SLC9A9: variants seen among roughly 807,000 people sequenced by gnomAD.
The protein encoded by SLC9A9 is sodium/hydrogen exchanger 9.
Under a neutral mutation model 77.8 loss-of-function variants are expected in SLC9A9, and 62 were observed. The observed-to-expected ratio is 0.80, with a 90% CI of 0.65 to 0.98. The LOEUF (loss-of-function observed/expected upper bound fraction) is 0.98. Ranked by LOEUF, SLC9A9 falls within the 50% of genes least tolerant of loss-of-function variation. The pLI, the probability that SLC9A9 is intolerant of heterozygous loss-of-function variation, is 0.00. For missense variants in SLC9A9, 775 were observed against 774.9 expected (o/e 1.00, Z 0.00); for synonymous variants, 320 against 283.5 (o/e 1.13, Z -1.29).
chr3:143,703,100 A>T (rs1933851774), intron 4 of SLC9A9, among the ~76,000 whole-genome samples: 2 of 152,114 alleles, frequency 1.3e-5, no homozygotes, highest in Admixed American at 1.3e-4. Flanking sequence ...AAAGAGTGAG[A>T]TAGACCCCAA....
intron 12 of SLC9A9, among the ~76,000 whole-genome samples, chr3:143,454,537 C>A (rs572538024): frequency 6.6e-6 from 1 of 152,044 alleles, no homozygotes; most frequent in Non-Finnish European, 1.5e-5. Flanking sequence ...TTTTGGCCTA[C>A]GGATATTGTA....
intron 12 of SLC9A9, among the ~76,000 whole-genome samples, chr3:143,431,561 C>T (rs1179375233): frequency 6.6e-6 from 1 of 150,866 alleles, no homozygotes; most frequent in Non-Finnish European, 1.5e-5. Context: ...TGGCTCCCTG[C>T]AAGCTCCGCC....
intron 5 of SLC9A9, among the ~76,000 whole-genome samples, chr3:143,686,304 AT>A (rs1306623534): frequency 1.3e-5 from 2 of 152,200 alleles, no homozygotes; most frequent in Admixed American, 6.5e-5. Context: ...ATAGAAAAAA[AT>A]CTCCCACACA....
intron 2 of SLC9A9, among the ~76,000 whole-genome samples, chr3:143,813,959 G>T (rs763080061): frequency 3.5e-4 from 53 of 152,196 alleles, no homozygotes; most frequent in Admixed American, 3.3e-4. Context: ...TCAAGGTAAT[G>T]ATAGTGGGAA....
intron 9 of SLC9A9, among the ~76,000 whole-genome samples, chr3:143,542,623 A>T (rs1290182854): frequency 6.6e-6 from 1 of 152,254 alleles, no homozygotes; most frequent in Non-Finnish European, 1.5e-5. Flanking sequence ...CTTTCTTTCA[A>T]TATATCAAGA....
intron 14 of SLC9A9, among the ~76,000 whole-genome samples, chr3:143,312,606 G>C (rs1440751073): frequency 6.6e-6 from 1 of 152,152 alleles, no homozygotes; most frequent in East Asian, 1.9e-4. Context: ...GCTTTACACA[G>C]CTGACAGAGA....
In SLC9A9 at chr3:143,265,834, C is replaced by T. The variant is rs1937691907; in HGVS notation, c.*868G>A. 2 of 588,592 alleles carry T rather than the reference C, an allele frequency of 3.4e-6. No individual in the cohort carries two copies. Among genetic ancestry groups the T allele is most frequent in the South Asian group, 4.1e-5 (2 of 48,242 alleles). 36.5% of individuals were successfully genotyped at this position (588,592 alleles called of 1,614,324 possible). On this transcript the variant is annotated 3_prime_UTR_variant, in exon 16 of 16. Transcript: ENST00000316549. ...CAGGTTGGGGCTCCTGCACAGTCTG[C>T]TGCCAGGTAGAGAGCAACACAGGCT...
chr3:143,846,050 A>G (rs912152017), intron 1 of SLC9A9, among the ~76,000 whole-genome samples: 1 of 152,224 alleles, frequency 6.6e-6, no homozygotes, highest in Admixed American at 6.5e-5. Flanking sequence ...TTCAAGCACA[A>G]TTTAAAAATA....
chr3:143,586,295 C>G (rs576718297), intron 6 of SLC9A9, among the ~76,000 whole-genome samples: 2 of 152,310 alleles, frequency 1.3e-5, no homozygotes, highest in East Asian at 1.9e-4. Context: ...TGGTTCCTAA[C>G]CCCAATCTGG....
At chr3:143,818,934 T>C (rs972962700) in intron 2 of SLC9A9, among the ~76,000 whole-genome samples, 1 of 151,828 alleles carries the variant, frequency 6.6e-6, no homozygotes, top group Non-Finnish European at 1.5e-5. Flanking sequence ...ATACAAAAAA[T>C]TAGCTGGGCA....
At chr3:143,845,529 C>A (rs567606832) in intron 1 of SLC9A9, among the ~76,000 whole-genome samples, 1 of 152,154 alleles carries the variant, frequency 6.6e-6, no homozygotes, top group Non-Finnish European at 1.5e-5. Context: ...AGGGAGAGTT[C>A]TTTCAGGTGA....
chr3:143,807,812 T>C (rs891700868), intron 2 of SLC9A9, among the ~76,000 whole-genome samples: 20 of 149,714 alleles, frequency 1.3e-4, no homozygotes, highest in African/African-American at 4.4e-4. Flanking sequence ...CCAGAGGGGC[T>C]GGGTGGAGTG....
At chr3:143,483,493 C>A (rs1312139037) in intron 11 of SLC9A9, among the ~76,000 whole-genome samples, 2 of 152,174 alleles carry the variant, frequency 1.3e-5, no homozygotes, top group African/African-American at 4.8e-5. Flanking sequence ...CAGGTGCATC[C>A]AGATTTGGAG....
intron 6 of SLC9A9, among the ~76,000 whole-genome samples, chr3:143,592,116 C>T (rs2037655122): frequency 6.6e-6 from 1 of 152,220 alleles, no homozygotes; most frequent in African/African-American, 2.4e-5. Context: ...AAGTAGTGAT[C>T]TGCAAATACT....
At chr3:143,537,681 C>A (rs896198615) in intron 9 of SLC9A9, among the ~76,000 whole-genome samples, 1 of 152,214 alleles carries the variant, frequency 6.6e-6, no homozygotes, top group Non-Finnish European at 1.5e-5. Context: ...AAGTTTACAT[C>A]TCAGCATTCC....
chr3:143,763,919 T>C (rs2007219533), intron 4 of SLC9A9, among the ~76,000 whole-genome samples: 1 of 152,090 alleles, frequency 6.6e-6, no homozygotes, highest in African/African-American at 2.4e-5. Flanking sequence ...TGTGTGTTGC[T>C]TCTTTTTAAC....
intron 6 of SLC9A9, among the ~76,000 whole-genome samples, chr3:143,636,810 TA>T: frequency 6.6e-6 from 1 of 152,046 alleles, no homozygotes; most frequent in East Asian, 1.9e-4. Context: ...ACATGCAGAG[TA>T]CACCACTACT....
intron 6 of SLC9A9, among the ~76,000 whole-genome samples, chr3:143,635,552 G>A (rs771555824): frequency 5.5e-4 from 83 of 152,260 alleles, no homozygotes; most frequent in Admixed American, 4.0e-3. Context: ...CCGAAGTTGC[G>A]GATGAATTAT....
intron 14 of SLC9A9, among the ~76,000 whole-genome samples, chr3:143,332,170 G>A (rs530311141): frequency 3.3e-5 from 5 of 152,270 alleles, no homozygotes; most frequent in Middle Eastern, 3.4e-3. Context: ...TATTCTGAAC[G>A]TTGGGAATGG....
Sources: allele counts gnomAD v4.1 joint callset (sites outside exome capture counted in the v4.1 genomes callset), GRCh38; gene constraint gnomAD v4.1.1; transcripts MANE v1.5; gene names NCBI Gene and HGNC (gene_info 2026-07-23, HGNC 2026-07-21).